Variants in MOSMO observed in about 807,000 individuals in gnomAD.
MOSMO encodes the protein modulator of smoothened.
In MOSMO, 5 loss-of-function variants were observed where a neutral mutation model predicts 18.4. The observed-to-expected ratio is 0.27, with a 90% confidence interval of 0.14 to 0.57. The LOEUF is 0.57. Ranked by LOEUF, MOSMO falls within the 20% of genes least tolerant of loss-of-function variation. The pLI is 0.92. For missense variants in MOSMO, 138 were observed against 211.8 expected (o/e 0.65, Z 2.16); for synonymous variants, 82 against 82.3 (o/e 1.00, Z 0.02).
intron 1 of MOSMO, among the ~76,000 whole-genome samples, chr16:22,059,043 C>G (rs976482963): frequency 1.3e-5 from 2 of 152,144 alleles, no homozygotes; most frequent in African/African-American, 4.8e-5. Context: ...TTAACTGAGA[C>G]TTTCTGTTGT....
chr16:22,010,609 A>G (rs1899504323), intron 1 of MOSMO, among the ~76,000 whole-genome samples: 1 of 152,210 alleles, frequency 6.6e-6, no homozygotes, highest in South Asian at 2.1e-4. Context: ...AAGTGATAGC[A>G]TAACGTTCCT....
At chr16:22,018,363 CT>C (rs1172097030) in intron 1 of MOSMO, among the ~76,000 whole-genome samples, 1 of 152,076 alleles carries the variant, frequency 6.6e-6, no homozygotes, top group East Asian at 1.9e-4. Context: ...AATAGAAGTT[CT>C]TTTCAAAAAT....
chr16:22,055,993 C>T (rs1398765939), intron 1 of MOSMO, among the ~76,000 whole-genome samples: 1 of 152,076 alleles, frequency 6.6e-6, no homozygotes, highest in Non-Finnish European at 1.5e-5. Context: ...CAAAGCATGC[C>T]AAAACTGTGA....
At chr16:22,040,234 A>G (rs1181004077) in intron 1 of MOSMO, among the ~76,000 whole-genome samples, 1 of 152,160 alleles carries the variant, frequency 6.6e-6, no homozygotes, top group Non-Finnish European at 1.5e-5. Context: ...ACATGGACAC[A>G]TAAGAGGGGA....
At chr16:22,043,848 G>A (rs575412413) in intron 1 of MOSMO, among the ~76,000 whole-genome samples, 3 of 152,200 alleles carry the variant, frequency 2.0e-5, no homozygotes, top group Admixed American at 6.5e-5. Flanking sequence ...GTATTAGTCC[G>A]TTTTCATGCT....
At chr16:22,024,526 C>G (rs546501949) in intron 1 of MOSMO, among the ~76,000 whole-genome samples, 2 of 151,968 alleles carry the variant, frequency 1.3e-5, no homozygotes, top group East Asian at 1.9e-4. Flanking sequence ...GCCACCACAC[C>G]CAGCTAATTT....
In MOSMO at chr16:22,081,489, T is replaced by C. The variant is rs1437844903; in HGVS notation, c.*609T>C. On this transcript the variant is annotated 3_prime_UTR_variant, in exon 3 of 3. Transcript: ENST00000542527. Reference sequence around the variant, plus strand: ...AAAATTCTGAAATTCCCTCTCTCTGTGTACAAAAAAAAAAAAAAATCAAAC... The same window carrying C: ...AAAATTCTGAAATTCCCTCTCTCTGCGTACAAAAAAAAAAAAAAATCAAAC... 1.7e-4 allele frequency: 3 copies of C among 18,162 alleles called. No homozygotes were observed. The highest frequency in any genetic ancestry group is 3.0e-4 in the Non-Finnish European group (3 of 9,924). 1.1% of individuals were successfully genotyped at this position (18,162 alleles called of 1,614,324 possible).
intron 2 of MOSMO, among the ~76,000 whole-genome samples, chr16:22,077,560 A>G (rs1900994109): frequency 6.6e-6 from 1 of 152,154 alleles, no homozygotes; most frequent in Non-Finnish European, 1.5e-5. Context: ...TATTCAGTGC[A>G]CAGAAACATA....
chr16:22,061,884 A>T (rs771105259), intron 1 of MOSMO, among the ~76,000 whole-genome samples: 26 of 152,318 alleles, frequency 1.7e-4, no homozygotes, highest in Non-Finnish European at 3.2e-4. Context: ...AATTGGGGAG[A>T]TATCACCTTA....
At chr16:22,056,308 T>G (rs1396661609) in intron 1 of MOSMO, among the ~76,000 whole-genome samples, 2 of 151,770 alleles carry the variant, frequency 1.3e-5, no homozygotes, top group Non-Finnish European at 2.9e-5. Flanking sequence ...AATTCTGTAG[T>G]CTTTTTTTCC....
At chr16:22,080,395 A>T (rs1269278340) in intron 2 of MOSMO, among the ~76,000 whole-genome samples, 2 of 152,152 alleles carry the variant, frequency 1.3e-5, no homozygotes, top group African/African-American at 4.8e-5. Context: ...GCCCTTAATT[A>T]CTATTGTAAA....
At chr16:22,068,029 TACTA>T (rs1268254413) in intron 1 of MOSMO, among the ~76,000 whole-genome samples, 2 of 152,088 alleles carry the variant, frequency 1.3e-5, no homozygotes, top group African/African-American at 4.8e-5. Context: ...CTATAGGAAA[TACTA>T]AAGTGTGTCC....
chr16:22,080,104 CAGAGTA>C (rs1213472970), intron 2 of MOSMO, among the ~76,000 whole-genome samples: 1 of 152,146 alleles, frequency 6.6e-6, no homozygotes, highest in Non-Finnish European at 1.5e-5. Flanking sequence ...GATTTTAAAT[CAGAGTA>C]AGATAAGTGA....
At chr16:22,053,986 G>A (rs1331620568) in intron 1 of MOSMO, among the ~76,000 whole-genome samples, 1 of 152,142 alleles carries the variant, frequency 6.6e-6, no homozygotes, top group African/African-American at 2.4e-5. Flanking sequence ...AGAAAGGAGA[G>A]TCATTTATCA....
rs553019046 is a variant in MOSMO, at chr16:22,067,225, G to A, written c.107-8262G>A. ...GAAAAGTGAAGAGAACATAAGAAAT[G>A]TGGGACATTATCAGGTATATCAACA... On this transcript the variant is annotated intron_variant, in intron 1 of 2. Coordinates refer to ENST00000542527, the MANE Select transcript of MOSMO (RefSeq NM_001164579.2). Among the ~76,000 whole-genome samples, 325 of 152,264 alleles carry A rather than the reference G, an allele frequency of 2.1e-3. 3 individuals are homozygous for A. The highest frequency in any genetic ancestry group is 6.8e-3 in the African/African-American group (284 of 41,558).
chr16:22,018,390 C>T (rs1390983524), intron 1 of MOSMO, among the ~76,000 whole-genome samples: 3 of 152,146 alleles, frequency 2.0e-5, no homozygotes, highest in African/African-American at 7.2e-5. Context: ...ATGTTCAGAT[C>T]AGTTCTGCTG....
At chr16:22,028,368 G>GT (rs75815099) in intron 1 of MOSMO, among the ~76,000 whole-genome samples, 77,936 of 145,820 alleles carry the variant, frequency 0.53, 23,851 homozygotes, top group African/African-American at 0.84. Context: ...TCTTTTTTAT[G>GT]TTTTTTTTTT....
chr16:22,021,543 TC>T (rs1899762357), intron 1 of MOSMO, among the ~76,000 whole-genome samples: 1 of 152,064 alleles, frequency 6.6e-6, no homozygotes, highest in South Asian at 2.1e-4. Context: ...ACACCTGTAA[TC>T]CCAACACTCT....
chr16:22,080,159 C>G (rs1401908323), intron 2 of MOSMO, among the ~76,000 whole-genome samples: 1 of 152,146 alleles, frequency 6.6e-6, no homozygotes, highest in East Asian at 1.9e-4. Context: ...TTCCTTCTCA[C>G]TAACACTGAG....
Sources: gnomAD v4.1 joint callset for allele counts (sites outside exome capture counted in the v4.1 genomes callset) on GRCh38, gnomAD v4.1.1 for gene constraint, MANE v1.5 for transcripts, NCBI Gene and HGNC (gene_info 2026-07-23, HGNC 2026-07-21) for gene names.